The following DPYD variants were observed in gnomAD, a reference collection of about 807,000 sequenced individuals.
DPYD encodes dihydropyrimidine dehydrogenase, also known as dihydropyrimidine dehydrogenase [NADP(+)].
In DPYD, 109 loss-of-function variants were observed where a neutral mutation model predicts 116.2. The observed-to-expected ratio is 0.94, with a 90% CI of 0.80 to 1.10. The LOEUF (loss-of-function observed/expected upper bound fraction) is 1.10. DPYD is among the 50% of genes least tolerant of loss of function. The pLI is 0.00. For synonymous variants in DPYD, 440 were observed against 432.0 expected, an observed-to-expected ratio of 1.02 and a Z score of -0.23; for missense variants, 1,302 against 1,254.5, an observed-to-expected ratio of 1.04 and a Z score of -0.57.
chr1:97,106,948 A>G (rs1241597433), intron 20 of DPYD, among the ~76,000 whole-genome samples: 2 of 152,150 alleles, frequency 1.3e-5, no homozygotes, highest in Non-Finnish European at 2.9e-5. Flanking sequence ...TTAGTTATGT[A>G]TGGATATATA....
intron 16 of DPYD, among the ~76,000 whole-genome samples, chr1:97,330,323 T>C (rs1047160592): frequency 1.1e-4 from 16 of 152,204 alleles, no homozygotes; most frequent in Admixed American, 7.9e-4. Context: ...GTTTAATTAA[T>C]ATCCAAACTT....
At chr1:97,144,053 A>T (rs189829863) in intron 20 of DPYD, among the ~76,000 whole-genome samples, 2 of 152,262 alleles carry the variant, frequency 1.3e-5, no homozygotes, top group Admixed American at 1.3e-4. Context: ...CAAATATCAA[A>T]TAAAGGATAA....
rs1388639783 is a variant in DPYD at position 97,306,266 on chromosome 1, CA to C, written c.2089del (p.Trp697GlyfsTer14). On this transcript the variant is annotated frameshift_variant, in exon 17 of 23. Coordinates refer to ENST00000370192, the MANE Select transcript of DPYD (RefSeq NM_000110.4). LOFTEE classifies it high-confidence loss of function. ...AGGAATCTGAACAGCTTGCCTAACCCAGCGGCAGATGTTCCGCACCAGCTCT... is the reference window on the plus strand; with the variant it reads ...AGGAATCTGAACAGCTTGCCTAACCCGCGGCAGATGTTCCGCACCAGCTCT... ...DPELVRNICRWVRQAVQIPFF... is the reference protein window; with the variant it reads ...DPELVRNICRXVRQAVQIPFF... 1.2e-6 allele frequency: 2 copies of C among 1,612,422 alleles called. No homozygotes were observed.
intron 3 of DPYD, among the ~76,000 whole-genome samples, chr1:97,755,206 C>G (rs992782760): frequency 6.6e-6 from 1 of 152,138 alleles, no homozygotes; most frequent in African/African-American, 2.4e-5. Context: ...TAGAACAGAT[C>G]AAGCTCTGCT....
chr1:97,345,670 A>G (rs1033815474), intron 16 of DPYD, among the ~76,000 whole-genome samples: 2 of 151,918 alleles, frequency 1.3e-5, no homozygotes, highest in African/African-American at 4.8e-5. Context: ...TGTGTGTAAG[A>G]AGGCTTCTAG....
chr1:97,811,650 T>A (rs952349030), intron 3 of DPYD, among the ~76,000 whole-genome samples: 16 of 152,136 alleles, frequency 1.1e-4, no homozygotes, highest in African/African-American at 3.9e-4. Flanking sequence ...AATCAATCAG[T>A]ATTCTTAATT....
chr1:97,134,013 AAATATATATATATATATATATATATAT>A (rs1336424690), intron 20 of DPYD, among the ~76,000 whole-genome samples: 8 of 18,798 alleles, frequency 4.3e-4, no homozygotes, highest in African/African-American at 9.8e-4. Context: ...AAAAAAAAAA[AAATATATATATATATATATATATATAT>A]ATATATATAT....
chr1:97,147,182 T>C (rs1355265085), intron 20 of DPYD, among the ~76,000 whole-genome samples: 1 of 152,140 alleles, frequency 6.6e-6, no homozygotes, highest in African/African-American at 2.4e-5. Context: ...ACGCTGTCTC[T>C]TCTGAAACTA....
intron 9 of DPYD, 93 bp from the exon 10 acceptor site, chr1:97,593,480 T>G: frequency 6.8e-7 from 1 of 1,462,412 alleles, no homozygotes; most frequent in Non-Finnish European, 9.5e-7. Flanking sequence ...AGTGTAAAAT[T>G]GCATCTTGCA....
chr1:97,148,106 G>A (rs1654760973), intron 20 of DPYD, among the ~76,000 whole-genome samples: 1 of 152,026 alleles, frequency 6.6e-6, no homozygotes, highest in Admixed American at 6.6e-5. Flanking sequence ...AAATGTCCTG[G>A]GATGAAATGT....
At chr1:97,636,794 ATTATC>A (rs1393925103) in intron 8 of DPYD, among the ~76,000 whole-genome samples, 1 of 152,114 alleles carries the variant, frequency 6.6e-6, no homozygotes, top group African/African-American at 2.4e-5. Flanking sequence ...TCTTATTCAT[ATTATC>A]TTAACACTAG....
At chr1:97,191,364 A>C (rs188271373) in intron 20 of DPYD, among the ~76,000 whole-genome samples, 62 of 152,276 alleles carry the variant, frequency 4.1e-4, no homozygotes, top group African/African-American at 1.3e-3. Context: ...CCAGAAGCAC[A>C]AATCTATTAC....
At position 97,257,452 on chromosome 1, in the gene DPYD, T is replaced by TATAGAGAGAG. The variant is rs375490078; in HGVS notation, c.2300-22459_2300-22458insCTCTCTCTAT. Among the ~76,000 whole-genome samples the TATAGAGAGAG allele has an allele frequency of 4.5e-3, 565 of 126,450 alleles. 6 individuals are homozygous for TATAGAGAGAG. Among genetic ancestry groups the TATAGAGAGAG allele is most frequent in the African/African-American group, 0.017 (533 of 31,786 alleles). The allele number at this position is 126,450 out of a possible 152,430, so 83.0% of individuals were successfully genotyped here. On this transcript the variant is annotated intron_variant, in intron 18 of 22. Transcript: ENST00000370192. ...ATACATACGTATATATATATATATATAGAGAGAGAGAAAGAGAGAGAGAGC... is the reference window on the plus strand; with the variant it reads ...ATACATACGTATATATATATATATATATAGAGAGAGAGAGAGAGAGAAAGAGAGAGAGAGC...
intron 13 of DPYD, among the ~76,000 whole-genome samples, chr1:97,469,651 G>A (rs781313517): frequency 6.6e-6 from 1 of 152,082 alleles, no homozygotes; most frequent in Non-Finnish European, 1.5e-5. Context: ...TATACTAAAG[G>A]TTCACAACTT....
Position 97,556,587 on chromosome 1 carries a change from T to G in DPYD, c.1340-6843A>C, listed in dbSNP as rs867751694. 3.1e-3 allele frequency among the ~76,000 whole-genome samples: 456 copies of G among 146,494 alleles called. 4 individuals carry two copies. Among genetic ancestry groups the G allele is most frequent in the African/African-American group, 0.011 (445 of 39,740 alleles). On this transcript the variant is annotated intron_variant, in intron 11 of 22. Coordinates refer to ENST00000370192, the MANE Select transcript of DPYD (RefSeq NM_000110.4). ...GATCTCATTGTTCAATTCCCACCTA[T>G]GAGTGAGAATATGTGGTGTTTGGTT... is the stretch of plus-strand genomic sequence containing the variant.
At chr1:97,643,898 G>A (rs538384381) in intron 8 of DPYD, among the ~76,000 whole-genome samples, 6 of 151,890 alleles carry the variant, frequency 4.0e-5, no homozygotes, top group South Asian at 2.1e-4. Context: ...ACACATGGAC[G>A]CAGGGAGGGG....
At chr1:97,546,896 AG>A in intron 12 of DPYD, 1 of 1,609,400 alleles carries the variant, frequency 6.2e-7, no homozygotes, top group Non-Finnish European at 8.5e-7. Context: ...GATGAAGACC[AG>A]GAGGACAGTG....
At chr1:97,251,410 A>G (rs534094493) in intron 18 of DPYD, among the ~76,000 whole-genome samples, 190 of 148,574 alleles carry the variant, frequency 1.3e-3, no homozygotes, top group Middle Eastern at 3.5e-3. Flanking sequence ...AAAAAAAAAA[A>G]AAAGAAAGAA....
At chr1:97,856,065 G>A (rs1275294956) in intron 2 of DPYD, 1 of 152,140 alleles carries the variant, frequency 6.6e-6, no homozygotes, top group East Asian at 1.9e-4. Context: ...CTTACTAATG[G>A]AGCTGAGTTA....
Sources: gnomAD v4.1 joint callset for allele counts (sites outside exome capture counted in the v4.1 genomes callset) on GRCh38, gnomAD v4.1.1 for gene constraint, MANE v1.5 for transcripts, NCBI Gene and HGNC (gene_info 2026-07-23, HGNC 2026-07-21) for gene names.